Variants in APH1B observed in about 807,000 individuals in gnomAD.
The protein encoded by APH1B is gamma-secretase subunit APH-1B.
A neutral mutation model predicts 28.2 loss-of-function variants in APH1B; 27 were observed. That is an observed-to-expected ratio of 0.96 (90% CI 0.70 to 1.32). The LOEUF is 1.32. Ranked by LOEUF, APH1B falls within the 40% of genes most tolerant of loss-of-function variation. The pLI is 0.00. For missense variants in APH1B, 305 were observed against 313.6 expected, an observed-to-expected ratio of 0.97 and a Z score of 0.21; for synonymous variants, 141 against 124.6, an observed-to-expected ratio of 1.13 and a Z score of -0.88.
chr15:63,278,352 T>G (rs2152590721), intron 1 of APH1B: 2 of 456,754 alleles, frequency 4.4e-6, no homozygotes, highest in African/African-American at 2.0e-5. Context: ...TTCTGGGAGC[T>G]TGGTAAATAC....
At position 63,305,727 on chromosome 15, in the gene APH1B, C is replaced by A. The variant is rs751335715; in HGVS notation, c.720C>A (p.Leu240=). Residue 240 remains leucine (L), a synonymous_variant, in exon 6 of 6, where the codon CTC becomes CTA. Transcript: ENST00000261879. ...GAGGCAGCTGCCGAAGCCTGAAACT[C>A]TGCCTGCTCTGCCAAGACAAGAACT... ...AAGGSCRSLK[L]CLLCQDKNFL... is the part of the protein sequence containing the mutation. 6.2e-7 allele frequency: 1 copy of A among 1,614,218 alleles called. No individual in the cohort carries two copies. The highest frequency in any genetic ancestry group is 8.5e-7 in the Non-Finnish European group (1 of 1,180,044).
intron 2 of APH1B, among the ~76,000 whole-genome samples, chr15:63,282,517 C>A (rs756121581): frequency 2.6e-5 from 4 of 152,158 alleles, no homozygotes; most frequent in Non-Finnish European, 4.4e-5. Flanking sequence ...TGTGGTAGCC[C>A]TTTCTGCAGT....
At chr15:63,280,041 G>T (rs1173413248) in intron 2 of APH1B, among the ~76,000 whole-genome samples, 1 of 151,992 alleles carries the variant, frequency 6.6e-6, no homozygotes, top group South Asian at 2.1e-4. Context: ...CCAGTGATCC[G>T]CCCACCTTGG....
chr15:63,302,447 T>C lies in APH1B; in HGVS notation c.581T>C (p.Leu194Pro), dbSNP rs774291457. ...KKWGILLIVL[L>P]THLLVSAQTF... ...TGGGGCATCCTCCTTATCGTTCTCCTGACCCACCTGCTGGTGTCAGCCCAG... is the reference window on the plus strand; with the variant it reads ...TGGGGCATCCTCCTTATCGTTCTCCCGACCCACCTGCTGGTGTCAGCCCAG... The change falls in exon 5 of 6, where the codon CTG (leucine) becomes CCG (proline). Residue 194 changes from leucine (L) to proline (P), a missense_variant. Physicochemically the swap from Leu to Pro is moderately conservative, Grantham distance 98. Coordinates refer to ENST00000261879, the MANE Select transcript of APH1B (RefSeq NM_031301.4). 17 of 1,613,820 alleles carry C rather than the reference T, an allele frequency of 1.1e-5. No homozygotes were observed. The East Asian group carries it at 3.8e-4, about 36-fold the overall frequency.
At position 63,304,774 on chromosome 15, in the gene APH1B, AC is replaced by A. The variant is rs2038669249; in HGVS notation, c.607-839del. ...AAAATGTTTTTTAAAGAAGAGAAGA[AC>A]AATACAAAACAGTGCAGCACTCTGT... On this transcript the variant is annotated intron_variant, in intron 5 of 5. Transcript: ENST00000261879. The surrounding 1 kb of genome is among the most constrained non-coding windows in gnomAD (Gnocchi z 5.1). 6.6e-6 allele frequency among the ~76,000 whole-genome samples: 1 copy of A among 152,372 alleles called. No individual in the cohort carries two copies. The highest frequency in any genetic ancestry group is 1.5e-5 in the Non-Finnish European group (1 of 68,040).
At chr15:63,299,525 C>A (rs1312876087) in intron 4 of APH1B, among the ~76,000 whole-genome samples, 1 of 152,122 alleles carries the variant, frequency 6.6e-6, no homozygotes, top group Non-Finnish European at 1.5e-5. Context: ...CTGCCTCAGC[C>A]TCCCGAGCAG....
At chr15:63,281,498 G>A (rs1267009928) in intron 2 of APH1B, among the ~76,000 whole-genome samples, 1 of 147,964 alleles carries the variant, frequency 6.8e-6, no homozygotes, top group Non-Finnish European at 1.5e-5. Context: ...TGACATCATT[G>A]GCCCATATGC....
rs751341477 is a variant in APH1B at position 63,305,808 on chromosome 15, C to T, written c.*27C>T. ...CTCAGGGAACCAGCACTTCCCAAAC[C>T]GCAGACTACATCTTTAGAGGAAGCA... On this transcript the variant is annotated 3_prime_UTR_variant, in exon 6 of 6. Transcript: ENST00000261879. 26 of 1,599,492 alleles carry T rather than the reference C, an allele frequency of 1.6e-5. No individual in the cohort carries two copies. The highest frequency in any genetic ancestry group is 4.5e-5 in the East Asian group (2 of 44,804).
chr15:63,293,220 A>T (rs1220072965), intron 4 of APH1B, among the ~76,000 whole-genome samples: 7 of 150,966 alleles, frequency 4.6e-5, no homozygotes, highest in Non-Finnish European at 7.4e-5. Context: ...GCTGGAGTGC[A>T]GTGGTGCGGT....
At position 63,307,463 on chromosome 15, in the gene APH1B, C is replaced by T. The variant is rs1223084553; in HGVS notation, c.*1682C>T. On this transcript the variant is annotated 3_prime_UTR_variant, in exon 6 of 6. Transcript: ENST00000261879. ...ACTGTGGTTATTCCCCTAAAGTTTA[C>T]TTCAGCACTAACACTAGTGCTTCCG... The T allele has an allele frequency of 1.3e-5, 2 of 152,192 alleles. No homozygotes were observed. The highest frequency in any genetic ancestry group is 4.8e-5 in the African/African-American group (2 of 41,444). 9.4% of individuals were successfully genotyped at this position (152,192 alleles called of 1,614,324 possible).
chr15:63,303,497 G>A (rs1354665534), intron 5 of APH1B, among the ~76,000 whole-genome samples: 2 of 152,164 alleles, frequency 1.3e-5, no homozygotes, highest in African/African-American at 4.8e-5. Context: ...GAGAGGCATT[G>A]ATGTTGTTTC....
intron 2 of APH1B, among the ~76,000 whole-genome samples, chr15:63,282,604 A>G (rs777457804): frequency 4.6e-5 from 7 of 151,910 alleles, no homozygotes; most frequent in Middle Eastern, 3.4e-3. Flanking sequence ...AGACAACTCT[A>G]TGTTGCTTGA....
chr15:63,286,754 A>C, intron 3 of APH1B, 126 bp downstream of exon 3: 1 of 826,042 alleles, frequency 1.2e-6, no homozygotes, highest in Admixed American at 3.4e-5. Context: ...ATTGGTGTAC[A>C]TATTTGCTTA....
At chr15:63,293,800 T>C (rs952615661) in intron 4 of APH1B, among the ~76,000 whole-genome samples, 1 of 152,220 alleles carries the variant, frequency 6.6e-6, no homozygotes, top group Non-Finnish European at 1.5e-5. Flanking sequence ...GGTCTTGCTC[T>C]GTCACCTAGG....
At chr15:63,303,583 C>A (rs1567033265) in intron 5 of APH1B, among the ~76,000 whole-genome samples, 1 of 152,160 alleles carries the variant, frequency 6.6e-6, no homozygotes, top group Admixed American at 6.5e-5. Context: ...GCAGCCTCGA[C>A]CTCCTGGGCT....
intron 4 of APH1B, among the ~76,000 whole-genome samples, chr15:63,290,016 AAAAG>A (rs1035287035): frequency 7.2e-5 from 11 of 152,158 alleles, no homozygotes; most frequent in Non-Finnish European, 1.6e-4. Flanking sequence ...AGAAAAAAAA[AAAAG>A]AATTTCATGT....
chr15:63,299,793 C>A (rs574351539), intron 4 of APH1B, among the ~76,000 whole-genome samples: 1 of 152,068 alleles, frequency 6.6e-6, no homozygotes, highest in Admixed American at 6.5e-5. Context: ...TTTCCCCACT[C>A]AGTATTGGTC....
At position 63,277,724 on chromosome 15, in the gene APH1B, T is replaced by G. The variant is rs757382241; in HGVS notation, c.101T>G (p.Phe34Cys). The G allele has an allele frequency of 2.2e-5, 35 of 1,610,684 alleles. No homozygotes were observed. The Admixed American group carries it at 3.7e-4, about 17-fold the overall frequency. Reference sequence around the variant, plus strand: ...GCCACCGAGCCGTTGCGTATCATCTTCCTCATCGCCGGGTGAGGCGGTCGC... The same window carrying G: ...GCCACCGAGCCGTTGCGTATCATCTGCCTCATCGCCGGGTGAGGCGGTCGC... ...TIATEPLRII[F>C]LIAGAFFWLV... Residue 34 changes from phenylalanine (F) to cysteine (C), a missense_variant, in exon 1 of 6, where the codon TTC becomes TGC. Physicochemically the swap from Phe to Cys is radical, Grantham distance 205. Coordinates refer to ENST00000261879, the MANE Select transcript of APH1B (RefSeq NM_031301.4).
chr15:63,306,512 G>T lies in APH1B; in HGVS notation c.*731G>T, dbSNP rs2038689543. 1 of 152,200 alleles carries T rather than the reference G, an allele frequency of 6.6e-6. No homozygotes were observed. Among genetic ancestry groups the T allele is most frequent in the Admixed American group, 6.5e-5 (1 of 15,276 alleles). 9.4% of individuals were successfully genotyped at this position (152,200 alleles called of 1,614,324 possible). A position where few individuals can be genotyped will look rare whatever the true frequency, so the allele number is the denominator to read the frequency against. ...AAATGATTGTTTTGTGACTTCCTTG[G>T]GAAGGTATTTTAAAATCAGGAATTT... On this transcript the variant is annotated 3_prime_UTR_variant, in exon 6 of 6. Coordinates refer to ENST00000261879, the MANE Select transcript of APH1B (RefSeq NM_031301.4).
Sources: gnomAD v4.1 joint callset for allele counts (sites outside exome capture counted in the v4.1 genomes callset) on GRCh38, gnomAD v4.1.1 for gene constraint, Gnocchi (gnomAD v3.1) non-coding constraint, MANE v1.5 for transcripts, NCBI Gene and HGNC (gene_info 2026-07-23, HGNC 2026-07-21) for gene names.